The following CFAP90 variants were observed in gnomAD, a reference collection of about 807,000 sequenced individuals.
CFAP90 encodes the protein cilia and flagella associated protein 90.
chr5:7,837,956 C>A, the CFAP90 span, among the ~76,000 whole-genome samples: 1 of 152,164 alleles, frequency 6.6e-6, no homozygotes, highest in Non-Finnish European at 1.5e-5. Context: ...GTTCACCAGA[C>A]ACAAGCATCT....
the CFAP90 span, chr5:7,831,840 C>T: frequency 2.5e-6 from 4 of 1,602,736 alleles, no homozygotes; most frequent in East Asian, 4.5e-5. Flanking sequence ...CTGTGGGCCA[C>T]GGGGATGCTT....
At chr5:7,848,641 C>T in the CFAP90 span, among the ~76,000 whole-genome samples, 1 of 152,184 alleles carries the variant, frequency 6.6e-6, no homozygotes, top group Non-Finnish European at 1.5e-5. Flanking sequence ...TTGGCTGTGT[C>T]CCTACCCAAA....
chr5:7,850,782 C>G, the CFAP90 span: 1 of 1,159,536 alleles, frequency 8.6e-7, no homozygotes, highest in Non-Finnish European at 1.1e-6. Context: ...GGCCGCCCGC[C>G]CCTGCCCAGC....
At chr5:7,839,516 G>C in the CFAP90 span, among the ~76,000 whole-genome samples, 2 of 152,238 alleles carry the variant, frequency 1.3e-5, no homozygotes, top group Non-Finnish European at 2.9e-5. Flanking sequence ...TGCAATTACT[G>C]TTATCAGAAT....
the CFAP90 span, among the ~76,000 whole-genome samples, chr5:7,843,653 C>T: frequency 1.3e-5 from 2 of 152,224 alleles, no homozygotes; most frequent in Non-Finnish European, 2.9e-5. Flanking sequence ...TCACCCCTCA[C>T]CCCCAGCCCA....
the CFAP90 span, among the ~76,000 whole-genome samples, chr5:7,848,839 G>A: frequency 4.2e-4 from 64 of 152,248 alleles, no homozygotes; most frequent in Middle Eastern, 0.017. Context: ...ATGCTGCCAC[G>A]TGAAGGACAT....
chr5:7,850,790 AGCCG>A, the CFAP90 span: 2 of 4,876 alleles, frequency 4.1e-4, no homozygotes, highest in Admixed American at 0.12. Flanking sequence ...GCCCCTGCCC[AGCCG>A]CCCAGCCGCC....
At chr5:7,850,881 C>T in the CFAP90 span, 1 of 1,328,384 alleles carries the variant, frequency 7.5e-7, no homozygotes, top group East Asian at 2.8e-5. Context: ...TCACCCGCGC[C>T]GGGCGGTAGT....
At chr5:7,842,193 CTGGGGTA>C in the CFAP90 span, among the ~76,000 whole-genome samples, 1,452 of 151,956 alleles carry the variant, frequency 9.6e-3, 13 homozygotes, top group South Asian at 0.022. Context: ...ACACAAATAA[CTGGGGTA>C]AGTTTTAGAG....
At chr5:7,848,725 G>C in the CFAP90 span, among the ~76,000 whole-genome samples, 1 of 152,184 alleles carries the variant, frequency 6.6e-6, no homozygotes, top group African/African-American at 2.4e-5. Flanking sequence ...TTGAATCATG[G>C]GGGCAGTTCC....
chr5:7,836,519 C>A, the CFAP90 span, among the ~76,000 whole-genome samples: 1 of 152,168 alleles, frequency 6.6e-6, no homozygotes, highest in Non-Finnish European at 1.5e-5. Context: ...CCATGGGCTA[C>A]AGATGCTTGT....
the CFAP90 span, among the ~76,000 whole-genome samples, chr5:7,843,075 T>A: frequency 7.2e-5 from 11 of 152,172 alleles, no homozygotes; most frequent in Non-Finnish European, 1.6e-4. Flanking sequence ...GACCTCCTCA[T>A]CTTGAGGCTT....
chr5:7,840,548 T>C, the CFAP90 span, among the ~76,000 whole-genome samples: 3 of 152,246 alleles, frequency 2.0e-5, no homozygotes, highest in African/African-American at 7.2e-5. Flanking sequence ...GAATGAATGA[T>C]GGGCAATTGC....
the CFAP90 span, chr5:7,831,714 A>T: frequency 8.6e-4 from 696 of 812,714 alleles, 7 homozygotes; most frequent in African/African-American, 0.011. Context: ...GTCCCACTGT[A>T]GAGATGCAAC....
the CFAP90 span, among the ~76,000 whole-genome samples, chr5:7,849,375 T>A: frequency 6.6e-6 from 1 of 152,132 alleles, no homozygotes; most frequent in Non-Finnish European, 1.5e-5. Flanking sequence ...GAACACCTTA[T>A]ACACCATAAG....
the CFAP90 span, among the ~76,000 whole-genome samples, chr5:7,842,427 A>G: frequency 1.3e-5 from 2 of 151,734 alleles, no homozygotes; most frequent in East Asian, 3.9e-4. Context: ...CAGAAGATGC[A>G]TTTCCCAGTT....
chr5:7,832,696 C>T, the CFAP90 span, among the ~76,000 whole-genome samples: 10 of 152,252 alleles, frequency 6.6e-5, no homozygotes, highest in East Asian at 1.9e-3. Context: ...CCATGTTGAC[C>T]AGGCTGGTCT....
the CFAP90 span, among the ~76,000 whole-genome samples, chr5:7,834,373 G>A: frequency 6.6e-6 from 1 of 152,168 alleles, no homozygotes; most frequent in Non-Finnish European, 1.5e-5. Context: ...TGTACAATGT[G>A]TGTTTTAAGC....
chr5:7,834,389 G>A, the CFAP90 span, among the ~76,000 whole-genome samples: 1 of 152,094 alleles, frequency 6.6e-6, no homozygotes, highest in Non-Finnish European at 1.5e-5. Flanking sequence ...TAAGCTAAGC[G>A]TTACTACAAA....
Sources: allele counts gnomAD v4.1 joint callset (sites outside exome capture counted in the v4.1 genomes callset), GRCh38; gene constraint gnomAD v4.1.1; transcripts MANE v1.5; gene names NCBI Gene and HGNC (gene_info 2026-07-23, HGNC 2026-07-21).